Variants in DLG2 observed in about 807,000 individuals in gnomAD.
The protein encoded by DLG2 is disks large homolog 2.
A neutral mutation model predicts 132.5 loss-of-function variants in DLG2; 45 were observed. That is an observed-to-expected ratio of 0.34 (90% CI 0.27 to 0.44). DLG2 has a LOEUF of 0.44. Among genes scored for constraint, DLG2 ranks in the 20% least tolerant of loss-of-function variants. The pLI is 1.00. For synonymous variants in DLG2, 424 were observed against 419.6 expected (o/e 1.01, Z -0.13); for missense variants, 1,045 against 1,196.9 (o/e 0.87, Z 1.87).
intron 4 of DLG2, among the ~76,000 whole-genome samples, chr11:85,256,599 G>A (rs576927639): frequency 6.6e-6 from 1 of 152,216 alleles, no homozygotes; most frequent in South Asian, 2.1e-4. Context: ...CTACCATGGG[G>A]CCGGAGCCCA....
chr11:85,528,239 T>G (rs2074936130), intron 3 of DLG2, among the ~76,000 whole-genome samples: 1 of 152,228 alleles, frequency 6.6e-6, no homozygotes. Flanking sequence ...TTTTGGTGTG[T>G]TAGTCTTGAA....
chr11:84,273,167 T>C, intron 7 of DLG2: 1 of 1,548,164 alleles, frequency 6.5e-7, no homozygotes, highest in Admixed American at 2.2e-5. Context: ...AAATGCATGT[T>C]GCATAGCTTG....
chr11:85,239,663 T>C (rs949125786), intron 4 of DLG2, among the ~76,000 whole-genome samples: 1 of 152,020 alleles, frequency 6.6e-6, no homozygotes, highest in African/African-American at 2.4e-5. Flanking sequence ...CCTATTTATA[T>C]AATCTTTTGG....
intron 4 of DLG2, among the ~76,000 whole-genome samples, chr11:85,262,041 T>A (rs2076970516): frequency 6.6e-6 from 1 of 152,072 alleles, no homozygotes; most frequent in South Asian, 2.1e-4. Flanking sequence ...GCGAGGCACA[T>A]TTGACAGGTT....
intron 6 of DLG2, among the ~76,000 whole-genome samples, chr11:84,825,592 T>C (rs1943699): frequency 0.45 from 68,657 of 151,702 alleles, 16,706 homozygotes; most frequent in Non-Finnish European, 0.55. Context: ...GTCAGACACA[T>C]TTCAGACTCC....
intron 8 of DLG2, among the ~76,000 whole-genome samples, chr11:84,179,923 C>T (rs2096071893): frequency 6.6e-6 from 1 of 152,120 alleles, no homozygotes; most frequent in African/African-American, 2.4e-5. Context: ...ATAAAGCATG[C>T]TTTCCTCCCC....
At chr11:83,963,368 T>C (rs1347629583) in intron 13 of DLG2, among the ~76,000 whole-genome samples, 1 of 152,058 alleles carries the variant, frequency 6.6e-6, no homozygotes, top group African/African-American at 2.4e-5. Context: ...AGAGCTCACA[T>C]TGTTTTCACA....
intron 6 of DLG2, among the ~76,000 whole-genome samples, chr11:84,956,695 T>A (rs1014013592): frequency 3.3e-5 from 5 of 152,138 alleles, no homozygotes; most frequent in Non-Finnish European, 5.9e-5. Flanking sequence ...ACTCAGAGAA[T>A]CACAAAACCT....
Position 83,870,437 on chromosome 11 carries a change from T to C in DLG2, c.1565+3983A>G, listed in dbSNP as rs551942959. Among the ~76,000 whole-genome samples, 7 of 152,350 alleles carry C rather than the reference T, an allele frequency of 4.6e-5. No homozygotes were observed. The East Asian group carries it at 1.3e-3, about 29-fold the overall frequency. ...TCCACACATGTTGCTGAAAATGACA[T>C]GATTTCATTCTTTTTATGGCTGAAT... On this transcript the variant is annotated intron_variant, in intron 16 of 27. Transcript: ENST00000376104.
intron 6 of DLG2, among the ~76,000 whole-genome samples, chr11:84,767,909 C>G (rs2068664038): frequency 6.6e-6 from 1 of 152,068 alleles, no homozygotes; most frequent in Non-Finnish European, 1.5e-5. Context: ...TCTCTTAAAA[C>G]TCTGGATACA....
intron 14 of DLG2, among the ~76,000 whole-genome samples, chr11:83,962,049 G>T (rs76024232): frequency 0.13 from 20,486 of 151,924 alleles, 1,709 homozygotes; most frequent in African/African-American, 0.22. Context: ...TTTCCTCTCC[G>T]GCAGAAAGTC....
intron 18 of DLG2, among the ~76,000 whole-genome samples, chr11:83,656,654 T>G (rs1481268543): frequency 6.6e-6 from 1 of 152,234 alleles, no homozygotes; most frequent in African/African-American, 2.4e-5. Flanking sequence ...TCAAGAAAAG[T>G]CATTTCCTCT....
chr11:84,001,323 T>TAAAA (rs34868321), intron 11 of DLG2, among the ~76,000 whole-genome samples: 2 of 138,972 alleles, frequency 1.4e-5, no homozygotes, highest in Middle Eastern at 3.4e-3. Flanking sequence ...AGACTTCAAG[T>TAAAA]AAAAAAAAAA....
At chr11:83,855,873 C>T (rs181518040) in intron 16 of DLG2, among the ~76,000 whole-genome samples, 82 of 152,098 alleles carry the variant, frequency 5.4e-4, no homozygotes, top group South Asian at 4.8e-3. Flanking sequence ...TGCAGGTTTG[C>T]TACATAGGTA....
chr11:84,684,823 T>C lies in DLG2; in HGVS notation c.358-150092A>G, dbSNP rs1435290620. On this transcript the variant is annotated intron_variant, in intron 6 of 27. Coordinates refer to ENST00000376104, the MANE Select transcript of DLG2 (RefSeq NM_001142699.3). ...ATTATTACTGCAATCTAATAACTCA[T>C]GGTTACTTTTCTTGCTTCCACTTAA... 2.0e-5 allele frequency among the ~76,000 whole-genome samples: 3 copies of C among 152,208 alleles called. No individual in the cohort carries two copies. In the East Asian group the frequency reaches 5.8e-4, roughly 29 times the overall value.
intron 21 of DLG2, among the ~76,000 whole-genome samples, chr11:83,499,320 G>A (rs1305421973): frequency 6.6e-6 from 1 of 152,114 alleles, no homozygotes; most frequent in Non-Finnish European, 1.5e-5. Context: ...TGAATTTACT[G>A]CAGTGGCTTA....
At chr11:83,699,601 T>C (rs1296923600) in intron 18 of DLG2, among the ~76,000 whole-genome samples, 4 of 149,584 alleles carry the variant, frequency 2.7e-5, no homozygotes, top group Non-Finnish European at 5.9e-5. Context: ...TCCCAGTTAC[T>C]TGGGAGGCTG....
chr11:84,281,273 A>G (rs928935563), intron 7 of DLG2, among the ~76,000 whole-genome samples: 1 of 152,152 alleles, frequency 6.6e-6, no homozygotes, highest in Non-Finnish European at 1.5e-5. Flanking sequence ...AAAATCCATA[A>G]AAGAACAAAC....
intron 6 of DLG2, among the ~76,000 whole-genome samples, chr11:84,753,290 T>G (rs1283917020): frequency 1.3e-5 from 2 of 152,118 alleles, no homozygotes; most frequent in Non-Finnish European, 2.9e-5. Flanking sequence ...AAGATGTGAC[T>G]GGATAAAGAA....
Sources: allele counts gnomAD v4.1 joint callset (sites outside exome capture counted in the v4.1 genomes callset), GRCh38; gene constraint gnomAD v4.1.1; transcripts MANE v1.5; gene names NCBI Gene and HGNC (gene_info 2026-07-23, HGNC 2026-07-21).